The following PHYHD1 variants were observed in gnomAD, a reference collection of about 807,000 sequenced individuals.
PHYHD1 encodes phytanoyl-CoA dioxygenase domain containing 1.
In PHYHD1, 42 loss-of-function variants were observed where a neutral mutation model predicts 43.6. The ratio of observed to expected loss-of-function variants is 0.96; its 90% confidence interval spans 0.75 to 1.25. PHYHD1 has a LOEUF of 1.25. Among genes scored for constraint, PHYHD1 ranks in the 50% most tolerant of loss-of-function variants. PHYHD1 has a pLI of 0.00. For synonymous variants in PHYHD1, 139 were observed against 143.6 expected, an observed-to-expected ratio of 0.97 and a Z score of 0.23; for missense variants, 342 against 370.8, an observed-to-expected ratio of 0.92 and a Z score of 0.64.
Position 128,939,245 on chromosome 9 carries a change from A to G in PHYHD1, c.458-1124A>G, listed in dbSNP as rs1175333988. Among the ~76,000 whole-genome samples, 2 of 129,678 alleles carry G rather than the reference A, an allele frequency of 1.5e-5. 1 individual carries two copies. Among genetic ancestry groups the G allele is most frequent in the Admixed American group, 1.7e-4 (2 of 11,628 alleles). The allele number at this position is 129,678 out of a possible 152,430, so 85.1% of individuals were successfully genotyped here. On this transcript the variant is annotated intron_variant, in intron 9 of 12. Coordinates refer to ENST00000372592, the MANE Select transcript of PHYHD1 (RefSeq NM_001100876.2). ...ATGTTCCTTTGTTCGGTGGTTCCGC[A>G]TCCTAACTGTGCCCCAGCATCGTGT...
intron 9 of PHYHD1, among the ~76,000 whole-genome samples, chr9:128,939,578 CAA>C (rs1288295049): frequency 2.2e-5 from 2 of 91,456 alleles, no homozygotes; most frequent in Non-Finnish European, 2.5e-5. Context: ...GACTCCGTCT[CAA>C]AAAAAAAAAA....
intron 3 of PHYHD1, 170 bp from the exon 4 acceptor site, chr9:128,926,868 C>G (rs1344115440): frequency 2.3e-6 from 2 of 856,938 alleles, no homozygotes; most frequent in African/African-American, 1.7e-5. Context: ...TCCATTCAAG[C>G]AGCCAATATT....
intron 3 of PHYHD1, among the ~76,000 whole-genome samples, chr9:128,923,980 G>A (rs533733861): frequency 5.3e-5 from 8 of 152,056 alleles, no homozygotes; most frequent in Non-Finnish European, 8.8e-5. Context: ...TTAGCTGGGC[G>A]TGGTGGCGCA....
In PHYHD1 at chr9:128,940,385, C is replaced by G. The variant is rs376536429; in HGVS notation, c.474C>G (p.Asp158Glu). The G allele has an allele frequency of 1.2e-6, 2 of 1,614,054 alleles. No homozygotes were observed. The highest frequency in any genetic ancestry group is 1.7e-6 in the Non-Finnish European group (2 of 1,180,050). Residue 158 changes from aspartate to glutamate, a missense_variant, in exon 10 of 13, where the codon GAC (aspartate) becomes GAG (glutamate). Transcript: ENST00000372592. ...HFGGEVSPHQDASFLYTEPLG... is the reference protein window; with the variant it reads ...HFGGEVSPHQEASFLYTEPLG... ...CCTGCTTAGTCTCCCCTCATCAGGACGCCTCCTTCCTGTACACGGAGCCCC... is the reference window on the plus strand; with the variant it reads ...CCTGCTTAGTCTCCCCTCATCAGGAGGCCTCCTTCCTGTACACGGAGCCCC...
At chr9:128,926,983 G>T in intron 3 of PHYHD1, 55 bp from the exon 4 acceptor site, 1 of 1,612,924 alleles carries the variant, frequency 6.2e-7, no homozygotes, top group African/African-American at 1.3e-5. Flanking sequence ...TGAGGGAAGG[G>T]TCAGACAGGA....
chr9:128,923,408 T>C (rs1841054031), intron 3 of PHYHD1, among the ~76,000 whole-genome samples: 1 of 152,212 alleles, frequency 6.6e-6, no homozygotes, highest in African/African-American at 2.4e-5. Flanking sequence ...GCTGTACTGC[T>C]ATCCCCGTTT....
chr9:128,937,348 T>A (rs1490984748), intron 8 of PHYHD1, among the ~76,000 whole-genome samples: 1 of 152,152 alleles, frequency 6.6e-6, no homozygotes, highest in African/African-American at 2.4e-5. Context: ...TCTTTGGCAA[T>A]TGAAATGCTG....
intron 4 of PHYHD1, among the ~76,000 whole-genome samples, chr9:128,928,424 C>T (rs918442895): frequency 6.6e-6 from 1 of 151,890 alleles, no homozygotes; most frequent in South Asian, 2.1e-4. Flanking sequence ...ATATATTGGC[C>T]GGGCGCAGTG....
rs557756604 is a variant in PHYHD1 at position 128,931,534 on chromosome 9, T to C, written c.193-2248T>C. On this transcript the variant is annotated intron_variant, in intron 4 of 12. Transcript: ENST00000372592. ...GTCAGTTTTTTGTTTTTCTTTTTCT[T>C]TTTTTTTTGAGACGGAGTCTCGCTC... Among the ~76,000 whole-genome samples the C allele has an allele frequency of 6.3e-4, 95 of 151,438 alleles. 1 individual carries two copies. The highest frequency in any genetic ancestry group is 2.2e-3 in the African/African-American group (93 of 41,376).
intron 4 of PHYHD1, among the ~76,000 whole-genome samples, chr9:128,931,419 G>A (rs549084327): frequency 1.4e-4 from 21 of 152,122 alleles, no homozygotes; most frequent in African/African-American, 5.1e-4. Flanking sequence ...CCTAGAGCCA[G>A]GATTTAAACC....
chr9:128,936,712 TC>T, intron 8 of PHYHD1, 67 bp downstream of exon 8: 1 of 1,504,140 alleles, frequency 6.6e-7, no homozygotes, highest in East Asian at 2.5e-5. Context: ...ACCAAGCCCT[TC>T]CTTACAATGG....
At chr9:128,929,805 GA>G (rs1231860630) in intron 4 of PHYHD1, among the ~76,000 whole-genome samples, 2 of 151,942 alleles carry the variant, frequency 1.3e-5, no homozygotes, top group African/African-American at 4.8e-5. Flanking sequence ...TAAAATATTT[GA>G]CATATGCTTA....
At chr9:128,941,050 CT>C (rs1390387945) in intron 11 of PHYHD1, among the ~76,000 whole-genome samples, 3 of 152,230 alleles carry the variant, frequency 2.0e-5, no homozygotes, top group African/African-American at 7.2e-5. Flanking sequence ...TGCATAGCCA[CT>C]GCTCAACAAA....
At position 128,941,587 on chromosome 9, in the gene PHYHD1, G is replaced by A. The variant is rs570512509; in HGVS notation, c.830+16G>A. 3.2e-5 allele frequency: 51 copies of A among 1,614,004 alleles called. No individual in the cohort carries two copies. The African/African-American group carries it at 3.5e-4, about 11-fold the overall frequency. ...CGGAGAACTGGTAGGTGACAGGGTG[G>A]GTGTGTGTGCCCGACAGTCCCCTGG... On this transcript the variant is annotated intron_variant, in intron 12 of 12. Transcript: ENST00000372592.
At position 128,927,068 on chromosome 9, in the gene PHYHD1, G is replaced by A; in HGVS notation, c.64G>A (p.Gly22Arg). 6.2e-7 allele frequency: 1 copy of A among 1,614,188 alleles called. No homozygotes were observed. Among genetic ancestry groups the A allele is most frequent in the Non-Finnish European group, 8.5e-7 (1 of 1,180,022 alleles). Residue 22 changes from glycine to arginine, a missense_variant, in exon 4 of 13, where the codon GGA (glycine) becomes AGA (arginine). Transcript: ENST00000372592. ...ACAGGATGGATTCCTGGTGCTGGAA[G>A]GATTCTTGTCTGCGGAAGAGTGTGT... ...FQQDGFLVLE[G>R]FLSAEECVAM...
chr9:128,938,515 C>T (rs548830568), intron 9 of PHYHD1, among the ~76,000 whole-genome samples: 13 of 152,150 alleles, frequency 8.5e-5, no homozygotes, highest in Admixed American at 3.9e-4. Flanking sequence ...TCCGCCTCTC[C>T]GGTCCAAGTG....
Position 128,941,512 on chromosome 9 carries a change from C to A in PHYHD1, c.771C>A (p.Arg257=). ...AGCAGAACCTCTCTGACCGCTCGCG[C>A]CAGGCCTACACTTTCCACCTCATGG... ...KSKQNLSDRS[R]QAYTFHLMEA... is the part of the protein sequence containing the mutation. The change falls in exon 12 of 13, where the codon CGC becomes CGA. Residue 257 remains arginine, a synonymous_variant. Transcript: ENST00000372592. 1 of 1,614,092 alleles carries A rather than the reference C, an allele frequency of 6.2e-7. No homozygotes were observed. The highest frequency in any genetic ancestry group is 1.6e-4 in the Middle Eastern group (1 of 6,062).
Position 128,930,654 on chromosome 9 carries a change from A to G in PHYHD1, c.193-3128A>G, listed in dbSNP as rs539647034. On this transcript the variant is annotated intron_variant, in intron 4 of 12. Transcript: ENST00000372592. Reference sequence around the variant, plus strand: ...CAAAAAAAAAAAGAAAAAAACAAACAAAAAAAGCACCTCGGCCGGGTGCAG... The same window carrying G: ...CAAAAAAAAAAAGAAAAAAACAAACGAAAAAAGCACCTCGGCCGGGTGCAG... 3.3e-5 allele frequency among the ~76,000 whole-genome samples: 5 copies of G among 151,612 alleles called. No individual in the cohort carries two copies. In the South Asian group the frequency reaches 8.3e-4, roughly 25 times the overall value.
At chr9:128,932,136 G>A (rs1393607386) in intron 4 of PHYHD1, among the ~76,000 whole-genome samples, 1 of 149,944 alleles carries the variant, frequency 6.7e-6, no homozygotes, top group Non-Finnish European at 1.5e-5. Flanking sequence ...CACCCGGCCT[G>A]GGGAAGTCAG....
Sources: allele counts gnomAD v4.1 joint callset (sites outside exome capture counted in the v4.1 genomes callset), GRCh38; gene constraint gnomAD v4.1.1; transcripts MANE v1.5; gene names NCBI Gene and HGNC (gene_info 2026-07-23, HGNC 2026-07-21).